Variants in PCNX1 observed in about 807,000 individuals in gnomAD.
The protein encoded by PCNX1 is pecanex 1.
Under a neutral mutation model 242.2 loss-of-function variants are expected in PCNX1, and 78 were observed. That is an observed-to-expected ratio of 0.32 (90% CI 0.27 to 0.39). The LOEUF is 0.39. Ranked by LOEUF, PCNX1 falls within the 10% of genes least tolerant of loss-of-function variation. The pLI is 1.00. For missense variants in PCNX1, 2,581 were observed against 2,856.5 expected (o/e 0.90, Z 2.20); for synonymous variants, 1,024 against 1,032.9 (o/e 0.99, Z 0.17).
intron 2 of PCNX1, among the ~76,000 whole-genome samples, chr14:70,961,951 A>C (rs2058230756): frequency 1.3e-5 from 2 of 151,980 alleles, no homozygotes; most frequent in Admixed American, 1.3e-4. Flanking sequence ...CTATAATTGT[A>C]ATTAATGCCA....
chr14:70,968,273 C>T (rs1273839400), intron 4 of PCNX1, 30 bp downstream of exon 4: 1 of 1,529,622 alleles, frequency 6.5e-7, no homozygotes. Flanking sequence ...AAAGTTGCAC[C>T]TGCCTTTCCC....
Position 70,974,253 on chromosome 14 carries a change from T to C in PCNX1, c.605-2689T>C, listed in dbSNP as rs984263570. Among the ~76,000 whole-genome samples, 5 of 149,754 alleles carry C rather than the reference T, an allele frequency of 3.3e-5. No homozygotes were observed. The East Asian group carries it at 9.7e-4, about 29-fold the overall frequency. ...TGTGGTTTTTTTTGTTGTTTTTTTTTTTTTTTTTGAGAGGGAGTCTCGCTC... is the reference window on the plus strand; with the variant it reads ...TGTGGTTTTTTTTGTTGTTTTTTTTCTTTTTTTTGAGAGGGAGTCTCGCTC... On this transcript the variant is annotated intron_variant, in intron 5 of 35. Transcript: ENST00000304743.
intron 17 of PCNX1, 33 bp downstream of exon 17, chr14:71,033,571 A>G: frequency 8.6e-7 from 1 of 1,161,218 alleles, no homozygotes; most frequent in Non-Finnish European, 1.3e-6. Flanking sequence ...GAATTAAAAG[A>G]AATTTAAGTA....
At chr14:71,074,990 C>CTCTTTTTTTTTT (rs1159668298) in intron 27 of PCNX1, among the ~76,000 whole-genome samples, 2 of 101,102 alleles carry the variant, frequency 2.0e-5, no homozygotes, top group African/African-American at 7.7e-5. Context: ...CTTTTCTTCT[C>CTCTTTTTTTTTT]TTTTTTTTTT....
intron 28 of PCNX1, among the ~76,000 whole-genome samples, chr14:71,086,115 T>C (rs2061983162): frequency 1.3e-5 from 2 of 152,220 alleles, no homozygotes; most frequent in African/African-American, 4.8e-5. Flanking sequence ...ATTCAGTATA[T>C]TTTTTATCTC....
At chr14:70,916,582 C>T (rs766080240) in intron 1 of PCNX1, among the ~76,000 whole-genome samples, 39 of 152,076 alleles carry the variant, frequency 2.6e-4, no homozygotes, top group Non-Finnish European at 4.4e-4. Context: ...GTTAAGTGTG[C>T]GGTACCATTG....
Position 71,011,866 on chromosome 14 carries a change from T to C in PCNX1, c.2778+317T>C, listed in dbSNP as rs45536336. On this transcript the variant is annotated intron_variant, in intron 10 of 35. Coordinates refer to ENST00000304743, the MANE Select transcript of PCNX1 (RefSeq NM_014982.3). Reference sequence around the variant, plus strand: ...AAATTTTCTCAACTATACCCAGATATGTGTTTGAAAAGTAAAACCCTCCCT... The same window carrying C: ...AAATTTTCTCAACTATACCCAGATACGTGTTTGAAAAGTAAAACCCTCCCT... 627 of 226,218 alleles carry C rather than the reference T, an allele frequency of 2.8e-3. 1 individual carries two copies. The highest frequency in any genetic ancestry group is 4.2e-3 in the Non-Finnish European group (485 of 116,552). 14.0% of individuals were successfully genotyped at this position (226,218 alleles called of 1,614,324 possible). A position where few individuals can be genotyped will look rare whatever the true frequency, so the allele number is the denominator to read the frequency against.
chr14:71,082,632 G>T (rs1011098242), intron 28 of PCNX1, among the ~76,000 whole-genome samples: 6 of 151,942 alleles, frequency 3.9e-5, no homozygotes, highest in African/African-American at 7.3e-5. Flanking sequence ...GATCTTTGTT[G>T]GTTTAAAGTC....
intron 3 of PCNX1, among the ~76,000 whole-genome samples, chr14:70,963,783 T>C (rs577132317): frequency 5.1e-4 from 78 of 152,324 alleles, no homozygotes; most frequent in African/African-American, 1.9e-3. Flanking sequence ...AGATCTAAAA[T>C]CTTAGGTTTC....
At chr14:71,005,753 C>G (rs921681318) in intron 8 of PCNX1, among the ~76,000 whole-genome samples, 41 of 152,068 alleles carry the variant, frequency 2.7e-4, no homozygotes, top group African/African-American at 9.7e-4. Flanking sequence ...AAGTGAGTAT[C>G]CAGTTTTACT....
rs2058740177 is a variant in PCNX1 at position 70,978,286 on chromosome 14, A to C, written c.1949A>C (p.Lys650Thr). 3 of 1,614,068 alleles carry C rather than the reference A, an allele frequency of 1.9e-6. No individual in the cohort carries two copies. Among genetic ancestry groups the C allele is most frequent in the African/African-American group, 1.3e-5 (1 of 75,016 alleles). Residue 650 changes from lysine (K) to threonine (T), a missense_variant, in exon 6 of 36, where the codon AAA (lysine) becomes ACA (threonine). Lys to Thr is a moderately conservative substitution (Grantham distance 78). Coordinates refer to ENST00000304743, the MANE Select transcript of PCNX1 (RefSeq NM_014982.3). The part of the protein sequence containing the change: ...YSALKTKHTH[K>T]ERGTDSEHTH... ...GCTCTAAAGACCAAACACACTCATA[A>C]AGAAAGGGGCACAGACTCTGAACAC...
chr14:70,937,614 C>T (rs549658581), intron 1 of PCNX1, among the ~76,000 whole-genome samples: 113 of 152,212 alleles, frequency 7.4e-4, no homozygotes, highest in African/African-American at 2.4e-3. Flanking sequence ...CTTGGCAGTG[C>T]GGGCTCTTTT....
intron 13 of PCNX1, 119 bp downstream of exon 13, chr14:71,023,351 GTTA>G: frequency 5.6e-6 from 4 of 709,522 alleles, no homozygotes; most frequent in Non-Finnish European, 9.8e-6. Context: ...TAAAATTTAT[GTTA>G]TTATTTTCCT....
At chr14:71,079,620 C>G (rs137998678) in intron 28 of PCNX1, among the ~76,000 whole-genome samples, 274 of 152,294 alleles carry the variant, frequency 1.8e-3, no homozygotes, top group African/African-American at 6.3e-3. Flanking sequence ...TTGCATTTCT[C>G]TAATGACCAT....
intron 27 of PCNX1, 145 bp from the exon 28 acceptor site, chr14:71,076,044 G>C (rs1028779578): frequency 3.4e-6 from 2 of 590,296 alleles, no homozygotes; most frequent in African/African-American, 3.7e-5. Context: ...AATATTGAGG[G>C]GGAATAAAAT....
At chr14:70,943,169 T>C (rs931561845) in intron 1 of PCNX1, among the ~76,000 whole-genome samples, 26 of 152,158 alleles carry the variant, frequency 1.7e-4, no homozygotes, top group African/African-American at 6.3e-4. Context: ...TGGTACCAGG[T>C]AGTGGGGCAC....
intron 7 of PCNX1, among the ~76,000 whole-genome samples, chr14:70,990,723 CT>C (rs1185833990): frequency 6.6e-6 from 1 of 152,022 alleles, no homozygotes; most frequent in Non-Finnish European, 1.5e-5. Flanking sequence ...TTCTAGAAAC[CT>C]TTTCTGAGCC....
chr14:70,984,511 C>G (rs549576753), intron 6 of PCNX1, among the ~76,000 whole-genome samples: 1 of 151,048 alleles, frequency 6.6e-6, no homozygotes, highest in Admixed American at 6.6e-5. Flanking sequence ...CTCAGCCTCC[C>G]GAGTAGCTGG....
At chr14:71,094,641 G>C (rs1566798230) in intron 30 of PCNX1, among the ~76,000 whole-genome samples, 1 of 151,990 alleles carries the variant, frequency 6.6e-6, no homozygotes, top group Non-Finnish European at 1.5e-5. Flanking sequence ...AATTAAAACT[G>C]TTACGTTGGA....
Sources: gnomAD v4.1 joint callset for allele counts (sites outside exome capture counted in the v4.1 genomes callset) on GRCh38, gnomAD v4.1.1 for gene constraint, MANE v1.5 for transcripts, NCBI Gene and HGNC (gene_info 2026-07-23, HGNC 2026-07-21) for gene names.